TRIM44: variants seen among roughly 807,000 people sequenced by gnomAD.
TRIM44 encodes the protein tripartite motif-containing protein 44.
In TRIM44, 13 loss-of-function variants were observed where a neutral mutation model predicts 37.4. That is an observed-to-expected ratio of 0.35 (90% confidence interval 0.23 to 0.55). The LOEUF is 0.55. Among genes scored for constraint, TRIM44 ranks in the 20% least tolerant of loss-of-function variants. The pLI is 0.89. For missense variants in TRIM44, 426 were observed against 437.2 expected (o/e 0.97, Z 0.23); for synonymous variants, 175 against 157.2 (o/e 1.11, Z -0.85).
intron 4 of TRIM44, among the ~76,000 whole-genome samples, chr11:35,792,031 G>A (rs1853218682): frequency 6.7e-6 from 1 of 149,716 alleles, no homozygotes; most frequent in African/African-American, 2.5e-5. Flanking sequence ...CAACTCTTAA[G>A]AGGTAGATCT....
chr11:35,705,689 A>G (rs1282196214), intron 2 of TRIM44, among the ~76,000 whole-genome samples: 1 of 147,962 alleles, frequency 6.8e-6, no homozygotes, highest in Non-Finnish European at 1.5e-5. Context: ...ATGAAGGCAG[A>G]AATAAAGATG....
rs760563615 is a variant in TRIM44, at chr11:35,663,683, A to C, written c.572A>C (p.Gln191Pro). Residue 191 changes from glutamine to proline, a missense_variant, in exon 1 of 5, where the codon CAG (glutamine) becomes CCG (proline). Physicochemically the swap from Gln to Pro is moderately conservative, Grantham distance 76 (BLOSUM62 -1). Around this residue, in one of 2 missense-constraint regions of TRIM44, gnomAD observed 331 missense variants for 303.0 expected, o/e 1.09. Transcript: ENST00000299413. ...GGGCTTGATTTGAGTACCTATTGCC[A>C]GGAAGATAGGCAGCTCATCTGTGTC... The part of the protein sequence containing the change: ...DHGLDLSTYC[Q>P]EDRQLICVLC... The C allele has an allele frequency of 6.2e-7, 1 of 1,614,192 alleles. No homozygotes were observed. The highest frequency in any genetic ancestry group is 1.1e-5 in the South Asian group (1 of 91,086).
chr11:35,735,342 G>A (rs1327860547), intron 3 of TRIM44, 84 bp from the exon 4 acceptor site: 9 of 1,388,978 alleles, frequency 6.5e-6, no homozygotes, highest in South Asian at 3.5e-5. Flanking sequence ...TTCAGGTTGG[G>A]AGAGGGGAGG....
chr11:35,711,033 G>A (rs902532522), intron 2 of TRIM44, among the ~76,000 whole-genome samples: 1 of 152,208 alleles, frequency 6.6e-6, no homozygotes, highest in Non-Finnish European at 1.5e-5. Context: ...GTATGGGACT[G>A]AGGGAGGTGG....
intron 1 of TRIM44, among the ~76,000 whole-genome samples, chr11:35,664,453 C>T (rs1465488039): frequency 6.6e-6 from 1 of 152,086 alleles, no homozygotes; most frequent in Non-Finnish European, 1.5e-5. Flanking sequence ...AATTTGCAGA[C>T]GATGCACCTT....
intron 4 of TRIM44, among the ~76,000 whole-genome samples, chr11:35,739,030 G>T (rs1271037678): frequency 6.6e-6 from 1 of 152,118 alleles, no homozygotes; most frequent in African/African-American, 2.4e-5. Flanking sequence ...GGAGTGTCTT[G>T]CCTTTTTTCC....
At chr11:35,678,639 G>A (rs1312778145) in intron 1 of TRIM44, among the ~76,000 whole-genome samples, 1 of 150,110 alleles carries the variant, frequency 6.7e-6, no homozygotes, top group African/African-American at 2.5e-5. Flanking sequence ...CTTAGACAGT[G>A]TCTCACTCTG....
At position 35,663,496 on chromosome 11, in the gene TRIM44, A is replaced by T; in HGVS notation, c.385A>T (p.Ser129Cys). 1.9e-6 allele frequency: 3 copies of T among 1,579,240 alleles called. No individual in the cohort carries two copies. The highest frequency in any genetic ancestry group is 2.6e-6 in the Non-Finnish European group (3 of 1,161,886). The change falls in exon 1 of 5, where the codon AGC (serine) becomes TGC (cysteine). Residue 129 changes from serine to cysteine, a missense_variant. Transcript: ENST00000299413. ...GAGCGATGAGGAGAGTGAAGAAGAC[A>T]GCGAGGAAGAAATGGAGGATGAGCA... Reference protein sequence around the residue: ...DESDEESEEDSEEEMEDEQES... With the variant: ...DESDEESEEDCEEEMEDEQES...
At chr11:35,733,437 G>GTAAC (rs1852289248) in intron 3 of TRIM44, among the ~76,000 whole-genome samples, 1 of 152,228 alleles carries the variant, frequency 6.6e-6, no homozygotes, top group East Asian at 1.9e-4. Context: ...TCATAGTTAT[G>GTAAC]TAACTCATGT....
intron 4 of TRIM44, among the ~76,000 whole-genome samples, chr11:35,742,245 C>A (rs1852406835): frequency 6.6e-6 from 1 of 151,180 alleles, no homozygotes. Context: ...ATCTAGCCAG[C>A]AATTTAAATT....
chr11:35,774,556 T>C (rs1230400235), intron 4 of TRIM44, among the ~76,000 whole-genome samples: 1 of 152,216 alleles, frequency 6.6e-6, no homozygotes, highest in Non-Finnish European at 1.5e-5. Flanking sequence ...GCCTATGTCC[T>C]GAATGGTATT....
chr11:35,665,472 A>T (rs1851320173), intron 1 of TRIM44, among the ~76,000 whole-genome samples: 1 of 151,020 alleles, frequency 6.6e-6, no homozygotes. Flanking sequence ...CATTCCTCTG[A>T]TTACTAATGA....
chr11:35,691,560 T>A lies in TRIM44; in HGVS notation c.747+6224T>A, dbSNP rs185233056. On this transcript the variant is annotated intron_variant, in intron 2 of 4. Transcript: ENST00000299413. ...AACGTGTGCAGGACACTTACATTAG[T>A]CTATAGTTGGGCAAAATAATCTAAC... Among the ~76,000 whole-genome samples, 417 of 152,326 alleles carry A rather than the reference T, an allele frequency of 2.7e-3. 3 individuals carry two copies. The highest frequency in any genetic ancestry group is 9.6e-3 in the African/African-American group (400 of 41,586).
At chr11:35,786,988 G>A (rs761202230) in intron 4 of TRIM44, among the ~76,000 whole-genome samples, 4 of 151,918 alleles carry the variant, frequency 2.6e-5, no homozygotes, top group Non-Finnish European at 5.9e-5. Context: ...GTATTCTTTC[G>A]CCTCCCTTTT....
intron 4 of TRIM44, among the ~76,000 whole-genome samples, chr11:35,798,347 C>T (rs572595908): frequency 7.2e-5 from 11 of 152,206 alleles, no homozygotes; most frequent in East Asian, 3.9e-4. Context: ...GTTTGCTGAT[C>T]GCGGTTCCCA....
chr11:35,760,159 C>T (rs1353886789), intron 4 of TRIM44, among the ~76,000 whole-genome samples: 1 of 152,232 alleles, frequency 6.6e-6, no homozygotes, highest in Non-Finnish European at 1.5e-5. Flanking sequence ...AGCTTCCTGG[C>T]CGCTTTGTTT....
At chr11:35,703,237 G>A (rs1447365688) in intron 2 of TRIM44, among the ~76,000 whole-genome samples, 2 of 152,222 alleles carry the variant, frequency 1.3e-5, no homozygotes, top group Non-Finnish European at 2.9e-5. Context: ...GCTTGGTTAG[G>A]TAAACAAAGC....
In TRIM44 at chr11:35,663,222, C is replaced by T. The variant is rs139199019; in HGVS notation, c.111C>T (p.Gly37=). ...PGAEEVCREC[G]FCYCRRHAEA... is the part of the protein sequence containing the mutation. Reference sequence around the variant, plus strand: ...CCGAGGAAGTGTGCCGAGAATGCGGCTTCTGCTACTGCCGCCGCCATGCCG... The same window carrying T: ...CCGAGGAAGTGTGCCGAGAATGCGGTTTCTGCTACTGCCGCCGCCATGCCG... The change falls in exon 1 of 5, where the codon GGC becomes GGT. Residue 37 remains glycine (G), a synonymous_variant. Transcript: ENST00000299413. 3.7e-6 allele frequency: 6 copies of T among 1,605,952 alleles called. No individual in the cohort carries two copies. The highest frequency in any genetic ancestry group is 1.1e-5 in the South Asian group (1 of 90,268).
chr11:35,665,889 T>C (rs917042753), intron 1 of TRIM44, among the ~76,000 whole-genome samples: 7 of 151,916 alleles, frequency 4.6e-5, no homozygotes, highest in Non-Finnish European at 7.4e-5. Context: ...TGCCCAGCTA[T>C]ATATTTGTTT....
Sources: allele counts gnomAD v4.1 joint callset (sites outside exome capture counted in the v4.1 genomes callset), GRCh38; gene constraint gnomAD v4.1.1; regional missense constraint gnomAD v4.1.1; transcripts MANE v1.5; gene names NCBI Gene and HGNC (gene_info 2026-07-23, HGNC 2026-07-21).